Variants in TNIK observed in about 807,000 individuals in gnomAD.
The protein encoded by TNIK is TRAF2 and NCK-interacting protein kinase.
A neutral mutation model predicts 191.3 loss-of-function variants in TNIK; 49 were observed. The observed-to-expected ratio is 0.26, with a 90% CI of 0.20 to 0.32. The LOEUF is 0.32. Among genes scored for constraint, TNIK ranks in the 10% least tolerant of loss-of-function variants. TNIK has a pLI of 1.00. For missense variants in TNIK, 1,155 were observed against 1,702.3 expected (o/e 0.68, Z 5.66); for synonymous variants, 594 against 600.9 (o/e 0.99, Z 0.17).
Position 171,139,568 on chromosome 3 carries a change from G to A in TNIK, c.1333-12C>T. The A allele has an allele frequency of 6.2e-7, 1 of 1,613,300 alleles. No individual in the cohort carries two copies. The highest frequency in any genetic ancestry group is 8.5e-7 in the Non-Finnish European group (1 of 1,179,412). Reference sequence around the variant, plus strand: ...CGCCTGATGTATTCCTGGAGAGGTAGGCAGCAGAGAATTCAGAGGAACAGA... The same window carrying A: ...CGCCTGATGTATTCCTGGAGAGGTAAGCAGCAGAGAATTCAGAGGAACAGA... On this transcript the variant is annotated splice_polypyrimidine_tract_variant and intron_variant, in intron 13 of 32. Transcript: ENST00000436636.
chr3:171,144,503 T>C (rs187659601), intron 12 of TNIK, among the ~76,000 whole-genome samples: 1 of 152,342 alleles, frequency 6.6e-6, no homozygotes, highest in African/African-American at 2.4e-5. Flanking sequence ...ATGATTGACA[T>C]GTAATAATTG....
intron 1 of TNIK, among the ~76,000 whole-genome samples, chr3:171,450,680 C>T (rs1468781235): frequency 2.0e-5 from 3 of 152,144 alleles, no homozygotes; most frequent in African/African-American, 7.2e-5. Flanking sequence ...TGGCTTTATC[C>T]TATTTATGCC....
Position 171,060,211 on chromosome 3 carries a change from C to T in TNIK, c.*3670G>A, listed in dbSNP as rs1717699411. Among the ~76,000 whole-genome samples, 1 of 151,454 alleles carries T rather than the reference C, an allele frequency of 6.6e-6. No homozygotes were observed. ...AGGGAAAGCATTTTTTTAAAAGCTT[C>T]GTGGAATGTGAGACTTTAGCCCCTT... On this transcript the variant is annotated 3_prime_UTR_variant, in exon 33 of 33. Transcript: ENST00000436636.
intron 2 of TNIK, among the ~76,000 whole-genome samples, chr3:171,320,667 C>T (rs1239093737): frequency 6.6e-6 from 1 of 152,136 alleles, no homozygotes; most frequent in Middle Eastern, 3.2e-3. Flanking sequence ...GATTCAGAAA[C>T]AAACAAACTT....
At chr3:171,319,994 G>A (rs116167974) in intron 2 of TNIK, among the ~76,000 whole-genome samples, 30 of 152,226 alleles carry the variant, frequency 2.0e-4, no homozygotes, top group African/African-American at 7.0e-4. Context: ...GGATGACCCC[G>A]AAAGCGTAGG....
chr3:171,115,443 A>T (rs1726538668), intron 18 of TNIK, among the ~76,000 whole-genome samples: 1 of 152,270 alleles, frequency 6.6e-6, no homozygotes, highest in Non-Finnish European at 1.5e-5. Context: ...AATAGGGAGC[A>T]TGGCAAAACT....
At chr3:171,236,926 G>A (rs1451319459) in intron 2 of TNIK, among the ~76,000 whole-genome samples, 1 of 152,146 alleles carries the variant, frequency 6.6e-6, no homozygotes, top group Admixed American at 6.6e-5. Context: ...AGACACGATA[G>A]GCTGGGGGTT....
intron 1 of TNIK, among the ~76,000 whole-genome samples, chr3:171,415,347 A>C (rs949511276): frequency 1.3e-5 from 2 of 152,176 alleles, no homozygotes; most frequent in Non-Finnish European, 2.9e-5. Flanking sequence ...CTGGAATGTA[A>C]GATCTAGGAG....
At chr3:171,285,358 G>A (rs915604095) in intron 2 of TNIK, among the ~76,000 whole-genome samples, 2 of 152,226 alleles carry the variant, frequency 1.3e-5, no homozygotes, top group East Asian at 1.9e-4. Context: ...GGTAATATAT[G>A]TTAGCTTGCC....
intron 19 of TNIK, among the ~76,000 whole-genome samples, chr3:171,108,400 C>T (rs1725312259): frequency 6.6e-6 from 1 of 152,272 alleles, no homozygotes; most frequent in Middle Eastern, 3.4e-3. Flanking sequence ...GTAGCAAGTA[C>T]TATCACCACT....
chr3:171,169,493 C>T (rs935542934), intron 9 of TNIK, among the ~76,000 whole-genome samples: 3 of 152,162 alleles, frequency 2.0e-5, no homozygotes. Context: ...GTCTCAAACT[C>T]CTGACCTCAG....
intron 2 of TNIK, among the ~76,000 whole-genome samples, chr3:171,365,341 C>T (rs1341573453): frequency 1.3e-5 from 2 of 151,514 alleles, no homozygotes; most frequent in African/African-American, 4.8e-5. Flanking sequence ...TGCCACCACG[C>T]CCAGCTAATT....
At chr3:171,331,969 C>T (rs1273291815) in intron 2 of TNIK, among the ~76,000 whole-genome samples, 1 of 152,006 alleles carries the variant, frequency 6.6e-6, no homozygotes, top group East Asian at 1.9e-4. Flanking sequence ...GGATAGGTAA[C>T]TGCAACTCAC....
At chr3:171,301,597 G>A (rs1410182786) in intron 2 of TNIK, among the ~76,000 whole-genome samples, 1 of 152,208 alleles carries the variant, frequency 6.6e-6, no homozygotes, top group African/African-American at 2.4e-5. Flanking sequence ...TTACAGGCGT[G>A]AGCCACCACA....
chr3:171,148,961 T>G (rs1277841133), intron 12 of TNIK, among the ~76,000 whole-genome samples: 1 of 152,210 alleles, frequency 6.6e-6, no homozygotes, highest in Non-Finnish European at 1.5e-5. Context: ...AAGGAATTCT[T>G]GCTTTGAGAG....
At position 171,084,149 on chromosome 3, in the gene TNIK, A is replaced by G; in HGVS notation, c.3169+6T>C. 3.8e-6 allele frequency: 6 copies of G among 1,572,726 alleles called. No individual in the cohort carries two copies. Among genetic ancestry groups the G allele is most frequent in the Non-Finnish European group, 5.2e-6 (6 of 1,162,972 alleles). ...AAAAAAAAAAAAAAAAAAAGCACCA[A>G]CATACCCCACAGAGCTGCACAAAGT... On this transcript the variant is annotated splice_donor_region_variant and intron_variant, in intron 26 of 32. Transcript: ENST00000436636.
intron 1 of TNIK, among the ~76,000 whole-genome samples, chr3:171,388,454 T>C (rs1164973162): frequency 6.6e-6 from 1 of 152,222 alleles, no homozygotes; most frequent in Non-Finnish European, 1.5e-5. Context: ...CTGGTCATTG[T>C]AGAAATCATT....
intron 2 of TNIK, among the ~76,000 whole-genome samples, chr3:171,347,894 G>T (rs1338378909): frequency 6.6e-6 from 1 of 152,110 alleles, no homozygotes; most frequent in Non-Finnish European, 1.5e-5. Flanking sequence ...GCTAGAAATA[G>T]CTAAGAGAGT....
rs1194417337 is a variant in TNIK, at chr3:171,087,387, C to A, written c.2841G>T (p.Leu947=). 1.2e-6 allele frequency: 2 copies of A among 1,613,992 alleles called. No individual in the cohort carries two copies. The highest frequency in any genetic ancestry group is 1.7e-6 in the Non-Finnish European group (2 of 1,179,888). The part of the protein sequence containing the change: ...HSPAGTPTEG[L]GRVSTHSQEM... ...CCTGGGAATGGGTTGAGACGCGCCC[C>A]AGTCCCTCAGTCGGGGTTCCAGCTG... The change falls in exon 24 of 33, where the codon CTG becomes CTT. Residue 947 remains leucine (L), a synonymous_variant. Coordinates refer to ENST00000436636, the MANE Select transcript of TNIK (RefSeq NM_015028.4).
Sources: allele counts gnomAD v4.1 joint callset (sites outside exome capture counted in the v4.1 genomes callset), GRCh38; gene constraint gnomAD v4.1.1; transcripts MANE v1.5; gene names NCBI Gene and HGNC (gene_info 2026-07-23, HGNC 2026-07-21).